Variants in SHCBP1L observed in about 807,000 individuals in gnomAD.
SHCBP1L encodes the protein SHC binding and spindle associated 1 like.
A neutral mutation model predicts 62.5 loss-of-function variants in SHCBP1L; 67 were observed. The observed-to-expected ratio is 1.07, with a 90% confidence interval of 0.88 to 1.31. SHCBP1L has a LOEUF of 1.31. SHCBP1L is among the 40% of genes most tolerant of loss of function. The pLI is 0.00. For missense variants in SHCBP1L, 823 were observed against 809.8 expected (o/e 1.02, Z -0.20); for synonymous variants, 284 against 289.4 (o/e 0.98, Z 0.19).
chr1:182,911,255 A>C (rs564378170), intron 6 of SHCBP1L, among the ~76,000 whole-genome samples: 1 of 152,206 alleles, frequency 6.6e-6, no homozygotes, highest in African/African-American at 2.4e-5. Flanking sequence ...ATCTACTGAG[A>C]TAACACAACA....
intron 6 of SHCBP1L, among the ~76,000 whole-genome samples, chr1:182,917,496 G>A (rs532787567): frequency 2.6e-5 from 4 of 152,062 alleles, no homozygotes; most frequent in Admixed American, 1.3e-4. Context: ...CACCCATCTC[G>A]GCCTCCCAGA....
chr1:182,952,576 G>C, intron 1 of SHCBP1L, 153 bp downstream of exon 1: 1 of 872,452 alleles, frequency 1.1e-6, no homozygotes, highest in South Asian at 2.0e-5. Context: ...CAAGGTGAAC[G>C]CTCTATACAT....
intron 8 of SHCBP1L, 147 bp from the exon 9 acceptor site, chr1:182,903,308 T>G (rs1018256331): frequency 5.5e-6 from 3 of 549,742 alleles, no homozygotes; most frequent in Non-Finnish European, 8.7e-6. Context: ...CAACTGTTAA[T>G]TGTAAAGATA....
rs749750134 is a variant in SHCBP1L at position 182,951,486 on chromosome 1, G to A, written c.406-19C>T. 1.3e-6 allele frequency: 2 copies of A among 1,510,690 alleles called. No homozygotes were observed. Among genetic ancestry groups the A allele is most frequent in the South Asian group, 2.8e-5 (2 of 72,654 alleles). 93.6% of individuals were successfully genotyped at this position (1,510,690 alleles called of 1,614,324 possible). On this transcript the variant is annotated intron_variant, in intron 1 of 9. Transcript: ENST00000367547. Reference sequence around the variant, plus strand: ...CTTCTGCCTAACAAGAGAAAAAATGGATCTACATATAAATATATGAAATTA... The same window carrying A: ...CTTCTGCCTAACAAGAGAAAAAATGAATCTACATATAAATATATGAAATTA...
intron 6 of SHCBP1L, among the ~76,000 whole-genome samples, chr1:182,923,807 G>A (rs1041426304): frequency 1.3e-5 from 2 of 152,072 alleles, no homozygotes; most frequent in African/African-American, 2.4e-5. Context: ...AGCTGGAAGC[G>A]TTCCCCTTGA....
Position 182,939,264 on chromosome 1 carries a change from C to A in SHCBP1L, c.988G>T (p.Ala330Ser). ...TTCCAGCATTCAACAGCCTCTGCTG[C>A]AGATGGATCTTCTTTAATATTGCTC... ...YQSNIKEDPS[A>S]AEAVECWKKY... Residue 330 changes from alanine (A) to serine (S), a missense_variant, in exon 5 of 10, where the codon GCA becomes TCA. Physicochemically the swap from Ala to Ser is moderately conservative, Grantham distance 99. Transcript: ENST00000367547. 1 of 1,613,986 alleles carries A rather than the reference C, an allele frequency of 6.2e-7. No individual in the cohort carries two copies. Among genetic ancestry groups the A allele is most frequent in the Non-Finnish European group, 8.5e-7 (1 of 1,179,932 alleles).
chr1:182,942,386 A>T (rs1434674825), intron 2 of SHCBP1L: 6 of 739,904 alleles, frequency 8.1e-6, no homozygotes, highest in Non-Finnish European at 1.5e-5. Context: ...GGCGGAGCTG[A>T]CCTTCCTCTT....
intron 2 of SHCBP1L, among the ~76,000 whole-genome samples, chr1:182,945,838 T>C (rs1195237018): frequency 6.6e-6 from 1 of 152,166 alleles, no homozygotes; most frequent in Non-Finnish European, 1.5e-5. Context: ...GGTGGGAGGA[T>C]GTCTTGAGGC....
chr1:182,926,515 T>C (rs1385520148), intron 6 of SHCBP1L, among the ~76,000 whole-genome samples: 1 of 152,224 alleles, frequency 6.6e-6, no homozygotes, highest in Non-Finnish European at 1.5e-5. Context: ...TAACACTCTA[T>C]GGGACAGACT....
At chr1:182,911,801 C>A (rs531928012) in intron 6 of SHCBP1L, among the ~76,000 whole-genome samples, 1 of 152,090 alleles carries the variant, frequency 6.6e-6, no homozygotes, top group Admixed American at 6.5e-5. Flanking sequence ...TAGAAATTAT[C>A]CAGCCTGAGA....
At chr1:182,925,123 G>T (rs1217024514) in intron 6 of SHCBP1L, among the ~76,000 whole-genome samples, 1 of 151,418 alleles carries the variant, frequency 6.6e-6, no homozygotes, top group Non-Finnish European at 1.5e-5. Context: ...AGAAGGAGGG[G>T]GAGGAAGAGG....
chr1:182,947,474 C>T (rs747743535), intron 2 of SHCBP1L, among the ~76,000 whole-genome samples: 2 of 152,088 alleles, frequency 1.3e-5, no homozygotes, highest in South Asian at 2.1e-4. Flanking sequence ...CATTTTATAA[C>T]CAAAATTAAG....
At chr1:182,951,682 C>T (rs1332582361) in intron 1 of SHCBP1L, among the ~76,000 whole-genome samples, 5 of 151,740 alleles carry the variant, frequency 3.3e-5, no homozygotes, top group Non-Finnish European at 5.9e-5. Context: ...TCTATTCACT[C>T]GAATAATTCA....
At chr1:182,916,360 G>A (rs1231300754) in intron 6 of SHCBP1L, among the ~76,000 whole-genome samples, 1 of 151,838 alleles carries the variant, frequency 6.6e-6, no homozygotes, top group African/African-American at 2.4e-5. Context: ...AAAAGGAAAC[G>A]ATACAGATTA....
chr1:182,924,750 A>G (rs554900255), intron 6 of SHCBP1L, among the ~76,000 whole-genome samples: 3 of 107,930 alleles, frequency 2.8e-5, no homozygotes, highest in Non-Finnish European at 5.1e-5. Context: ...GAAAGAAAGA[A>G]AGAAAGAAAG....
Position 182,952,751 on chromosome 1 carries a change from T to A in SHCBP1L, c.383A>T (p.Asp128Val), listed in dbSNP as rs1430278523. ...WRDEKVSLYC[D>V]EVLQDCKAED... Reference sequence around the variant, plus strand: ...CACCTTACAGTCCTGCAGCACTTCGTCGCAATACAGCGACACCTTCTCGTC... The same window carrying A: ...CACCTTACAGTCCTGCAGCACTTCGACGCAATACAGCGACACCTTCTCGTC... Residue 128 changes from aspartate (D) to valine (V), a missense_variant, in exon 1 of 10, where the codon GAC (aspartate) becomes GTC (valine). Transcript: ENST00000367547. The A allele has an allele frequency of 1.2e-6, 2 of 1,610,960 alleles. No homozygotes were observed. The highest frequency in any genetic ancestry group is 1.7e-6 in the Non-Finnish European group (2 of 1,178,876).
chr1:182,918,694 C>G, intron 6 of SHCBP1L, among the ~76,000 whole-genome samples: 1 of 151,968 alleles, frequency 6.6e-6, no homozygotes, highest in East Asian at 1.9e-4. Flanking sequence ...GGACCCTGAA[C>G]AGCCAAACAA....
intron 6 of SHCBP1L, among the ~76,000 whole-genome samples, chr1:182,924,772 GAAAGAAAGAAAGAAA>G (rs1650648529): frequency 2.2e-5 from 2 of 92,916 alleles, no homozygotes; most frequent in Admixed American, 1.2e-4. Context: ...AAGAAAGAAA[GAAAGAAAGAAAGAAA>G]GAGAGAAAGA....
intron 1 of SHCBP1L, chr1:182,952,451 C>T: frequency 2.5e-6 from 1 of 403,248 alleles, no homozygotes. Flanking sequence ...GCCAATATAT[C>T]TTCATTTTTT....
Sources: allele counts gnomAD v4.1 joint callset (sites outside exome capture counted in the v4.1 genomes callset), GRCh38; gene constraint gnomAD v4.1.1; transcripts MANE v1.5; gene names NCBI Gene and HGNC (gene_info 2026-07-23, HGNC 2026-07-21).